RHBDD1: variants seen among roughly 807,000 people sequenced by gnomAD.
RHBDD1 encodes rhomboid domain containing 1, also known as rhomboid-related protein 4.
Under a neutral mutation model 36.3 loss-of-function variants are expected in RHBDD1, and 38 were observed. The observed-to-expected ratio is 1.05, with a 90% CI of 0.81 to 1.37. The LOEUF is 1.37. Ranked by LOEUF, RHBDD1 falls within the 40% of genes most tolerant of loss-of-function variation. The probability of loss-of-function intolerance (pLI) is 0.00; values close to 1 mark genes in which losing one functional copy is unlikely to be tolerated. For missense variants in RHBDD1, 393 were observed against 377.6 expected (o/e 1.04, Z -0.34); for synonymous variants, 151 against 136.5 (o/e 1.11, Z -0.74).
intron 8 of RHBDD1, among the ~76,000 whole-genome samples, chr2:226,916,294 C>T (rs1467670039): frequency 6.6e-6 from 1 of 152,132 alleles, no homozygotes; most frequent in South Asian, 2.1e-4. Context: ...TTTTTGTAAT[C>T]GCTGTATCAC....
intron 3 of RHBDD1, among the ~76,000 whole-genome samples, chr2:226,844,379 G>C (rs1346838270): frequency 1.3e-5 from 2 of 149,708 alleles, no homozygotes; most frequent in Non-Finnish European, 3.0e-5. Flanking sequence ...CAGGCAAAAA[G>C]CCCTAAGCTG....
At chr2:226,819,859 A>G in the RHBDD1 span, among the ~76,000 whole-genome samples, 9 of 152,092 alleles carry the variant, frequency 5.9e-5, no homozygotes, top group Admixed American at 5.9e-4. Context: ...CTTTCCCCTC[A>G]TTACTTTCAC....
chr2:226,990,912 G>A (rs148091601), intron 8 of RHBDD1, among the ~76,000 whole-genome samples: 99 of 152,200 alleles, frequency 6.5e-4, no homozygotes, highest in African/African-American at 2.2e-3. Flanking sequence ...GAGCAGGGCC[G>A]TTTCACCCAG....
chr2:226,986,171 G>A (rs1165682770), intron 8 of RHBDD1, among the ~76,000 whole-genome samples: 2 of 152,224 alleles, frequency 1.3e-5, no homozygotes, highest in Admixed American at 1.3e-4. Flanking sequence ...ACTCAAGACT[G>A]TCAAGGTCAT....
chr2:226,853,332 C>T (rs1015027830), intron 3 of RHBDD1, among the ~76,000 whole-genome samples: 1 of 152,210 alleles, frequency 6.6e-6, no homozygotes, highest in African/African-American at 2.4e-5. Flanking sequence ...GCCTCTAGAT[C>T]ACAGCCTAGA....
intron 5 of RHBDD1, among the ~76,000 whole-genome samples, chr2:226,897,380 T>C (rs997830078): frequency 5.3e-5 from 8 of 152,188 alleles, no homozygotes; most frequent in African/African-American, 1.9e-4. Context: ...CTCCAGGAGG[T>C]AAGGACCTTG....
chr2:226,921,965 C>T (rs906762431), intron 8 of RHBDD1, among the ~76,000 whole-genome samples: 1 of 152,090 alleles, frequency 6.6e-6, no homozygotes, highest in Middle Eastern at 3.4e-3. Flanking sequence ...GTATTGGGAT[C>T]GATCGATCTC....
chr2:226,829,943 G>A, the RHBDD1 span, among the ~76,000 whole-genome samples: 1 of 150,816 alleles, frequency 6.6e-6, no homozygotes, highest in African/African-American at 2.4e-5. Context: ...AAAAGCTTTT[G>A]GTGGTTTATG....
rs74942081 is a variant in RHBDD1 at position 226,868,947 on chromosome 2, G to C, written c.566+1629G>C. ...ATACCTTGTCACTCACTGCTCCCCTGACTTGCTTGATGTGACTTGGTTCTC... is the reference window on the plus strand; with the variant it reads ...ATACCTTGTCACTCACTGCTCCCCTCACTTGCTTGATGTGACTTGGTTCTC... On this transcript the variant is annotated intron_variant, in intron 5 of 8. Transcript: ENST00000392062. 5.8e-3 allele frequency among the ~76,000 whole-genome samples: 878 copies of C among 152,190 alleles called. 7 individuals carry two copies. The highest frequency in any genetic ancestry group is 0.02 in the African/African-American group (844 of 41,492).
At chr2:226,894,960 T>C (rs937750800) in intron 5 of RHBDD1, among the ~76,000 whole-genome samples, 3 of 152,162 alleles carry the variant, frequency 2.0e-5, no homozygotes, top group Admixed American at 6.5e-5. Flanking sequence ...GAATGGCACA[T>C]ACAAAGTCCT....
the RHBDD1 span, among the ~76,000 whole-genome samples, chr2:226,821,883 A>G: frequency 2.6e-5 from 4 of 152,144 alleles, no homozygotes; most frequent in Admixed American, 2.6e-4. Context: ...TATGCTATTT[A>G]CGTTTTACTC....
At chr2:226,828,430 T>G in the RHBDD1 span, among the ~76,000 whole-genome samples, 1 of 152,364 alleles carries the variant, frequency 6.6e-6, no homozygotes, top group South Asian at 2.1e-4. Context: ...CTTGGGTAGA[T>G]TCCTAAGAGT....
the RHBDD1 span, among the ~76,000 whole-genome samples, chr2:226,814,271 A>G: frequency 6.6e-6 from 1 of 152,194 alleles, no homozygotes; most frequent in Non-Finnish European, 1.5e-5. Context: ...AGAAGAGAGT[A>G]TGAGCTTTTA....
chr2:226,922,845 A>G (rs1949419309), intron 8 of RHBDD1, among the ~76,000 whole-genome samples: 1 of 152,118 alleles, frequency 6.6e-6, no homozygotes, highest in South Asian at 2.1e-4. Flanking sequence ...TTTTAAACTG[A>G]TAACTTAACA....
At chr2:226,969,848 C>A (rs1370507777) in intron 8 of RHBDD1, among the ~76,000 whole-genome samples, 5 of 152,064 alleles carry the variant, frequency 3.3e-5, no homozygotes. Context: ...GGTTTGTTTT[C>A]TTGTTTTATT....
the RHBDD1 span, among the ~76,000 whole-genome samples, chr2:226,812,292 G>A: frequency 6.6e-6 from 1 of 152,218 alleles, no homozygotes; most frequent in South Asian, 2.1e-4. Context: ...GTATGGCAAT[G>A]GGGTAGGAGT....
chr2:226,870,575 G>C (rs1448324869), intron 5 of RHBDD1, among the ~76,000 whole-genome samples: 1 of 152,096 alleles, frequency 6.6e-6, no homozygotes, highest in Non-Finnish European at 1.5e-5. Flanking sequence ...GAACAACTTG[G>C]GGGTTAGGGA....
At chr2:226,991,448 G>A (rs1958193191) in intron 8 of RHBDD1, among the ~76,000 whole-genome samples, 1 of 152,220 alleles carries the variant, frequency 6.6e-6, no homozygotes, top group Admixed American at 6.5e-5. Flanking sequence ...CCAAAGTGCT[G>A]GGATTACAGG....
At chr2:226,979,493 CT>C (rs2149410466) in intron 8 of RHBDD1, among the ~76,000 whole-genome samples, 1 of 152,310 alleles carries the variant, frequency 6.6e-6, no homozygotes, top group Admixed American at 6.5e-5. Context: ...CCACCCCATC[CT>C]CCCATTGCAC....
Sources: gnomAD v4.1 joint callset for allele counts (sites outside exome capture counted in the v4.1 genomes callset) on GRCh38, gnomAD v4.1.1 for gene constraint, MANE v1.5 for transcripts, NCBI Gene and HGNC (gene_info 2026-07-23, HGNC 2026-07-21) for gene names.